Variants in ZYG11B observed in about 807,000 individuals in gnomAD.
ZYG11B encodes the protein protein zyg-11 homolog B.
A neutral mutation model predicts 82.4 loss-of-function variants in ZYG11B; 36 were observed. The observed-to-expected ratio is 0.44, with a 90% CI of 0.33 to 0.58. ZYG11B has a LOEUF of 0.58. Among genes scored for constraint, ZYG11B ranks in the 20% least tolerant of loss-of-function variants. The pLI is 0.02. For synonymous variants in ZYG11B, 303 were observed against 312.8 expected (o/e 0.97, Z 0.33); for missense variants, 552 against 895.6 (o/e 0.62, Z 4.90).
At chr1:52,764,759 TA>T (rs749651176) in intron 2 of ZYG11B, among the ~76,000 whole-genome samples, 2 of 152,028 alleles carry the variant, frequency 1.3e-5, no homozygotes, top group Non-Finnish European at 2.9e-5. Context: ...AGAAGAATAA[TA>T]AAGGAAGGGA....
intron 3 of ZYG11B, among the ~76,000 whole-genome samples, chr1:52,776,687 G>A (rs1644813862): frequency 6.6e-6 from 1 of 152,072 alleles, no homozygotes; most frequent in African/African-American, 2.4e-5. Flanking sequence ...GAAGAATAAA[G>A]TCTGATTTAG....
Position 52,775,817 on chromosome 1 carries a change from C to G in ZYG11B, c.952-4036C>G, listed in dbSNP as rs1053966788. 8.5e-5 allele frequency among the ~76,000 whole-genome samples: 13 copies of G among 152,276 alleles called. 1 individual carries two copies. The South Asian group carries it at 1.9e-3, about 22-fold the overall frequency. On this transcript the variant is annotated intron_variant, in intron 3 of 13. Coordinates refer to ENST00000294353, the MANE Select transcript of ZYG11B (RefSeq NM_024646.3). ...AGTCGGCCAGGCGTGGTGGCTCACGCCTGTAATCCCAGCACTTTGGGAGAA... is the reference window on the plus strand; with the variant it reads ...AGTCGGCCAGGCGTGGTGGCTCACGGCTGTAATCCCAGCACTTTGGGAGAA...
At chr1:52,812,054 C>T (rs906004749) in intron 10 of ZYG11B, among the ~76,000 whole-genome samples, 1 of 151,724 alleles carries the variant, frequency 6.6e-6, no homozygotes, top group Non-Finnish European at 1.5e-5. Context: ...ACATTTAGGT[C>T]TTTCTTATGT....
At chr1:52,760,871 T>C (rs1296105763) in intron 2 of ZYG11B, among the ~76,000 whole-genome samples, 1 of 151,102 alleles carries the variant, frequency 6.6e-6, no homozygotes, top group Non-Finnish European at 1.5e-5. Flanking sequence ...CATTTGATCC[T>C]CCTGGCTTAG....
chr1:52,773,417 A>T (rs61436641), intron 3 of ZYG11B, among the ~76,000 whole-genome samples: 1 of 150,048 alleles, frequency 6.7e-6, no homozygotes, highest in African/African-American at 2.5e-5. Context: ...GAAGTTGCAG[A>T]GAGCCAAGAT....
intron 1 of ZYG11B, among the ~76,000 whole-genome samples, chr1:52,754,774 C>T (rs1192393346): frequency 6.6e-6 from 1 of 152,152 alleles, no homozygotes. Flanking sequence ...AGAAACTTTA[C>T]TGATCTAAAG....
At chr1:52,778,099 C>A (rs1206109224) in intron 3 of ZYG11B, among the ~76,000 whole-genome samples, 1 of 152,208 alleles carries the variant, frequency 6.6e-6, no homozygotes, top group Non-Finnish European at 1.5e-5. Flanking sequence ...CATGTCCTTT[C>A]ATTTCTTTAT....
chr1:52,801,699 C>T, intron 8 of ZYG11B, 120 bp from the exon 9 acceptor site: 2 of 767,356 alleles, frequency 2.6e-6, no homozygotes, highest in Non-Finnish European at 4.0e-6. Context: ...GTTATAAGTA[C>T]CTTTACAGGA....
chr1:52,769,776 A>G (rs1644730439), intron 2 of ZYG11B, among the ~76,000 whole-genome samples: 1 of 152,200 alleles, frequency 6.6e-6, no homozygotes, highest in South Asian at 2.1e-4. Flanking sequence ...TGGGCCAGCT[A>G]AGATGCCGCC....
intron 1 of ZYG11B, among the ~76,000 whole-genome samples, chr1:52,745,731 T>A (rs993003024): frequency 2.6e-5 from 4 of 151,178 alleles, no homozygotes; most frequent in Admixed American, 2.0e-4. Flanking sequence ...GCCCAGCTAA[T>A]TTTTGTATTT....
chr1:52,730,032 T>C (rs1366717336), intron 1 of ZYG11B, among the ~76,000 whole-genome samples: 1 of 152,090 alleles, frequency 6.6e-6, no homozygotes, highest in Non-Finnish European at 1.5e-5. Context: ...GGCCTCAAAC[T>C]CCTGGGCTCC....
At chr1:52,809,716 G>A (rs1645167744) in intron 10 of ZYG11B, among the ~76,000 whole-genome samples, 1 of 151,912 alleles carries the variant, frequency 6.6e-6, no homozygotes, top group South Asian at 2.1e-4. Context: ...ATTCTAATGG[G>A]TCTGAGACAG....
chr1:52,739,138 C>T (rs1644403191), intron 1 of ZYG11B, among the ~76,000 whole-genome samples: 1 of 151,792 alleles, frequency 6.6e-6, no homozygotes, highest in Non-Finnish European at 1.5e-5. Flanking sequence ...AGTTACCCCT[C>T]ACCACGCCTG....
At chr1:52,739,632 G>GTT (rs59228971) in intron 1 of ZYG11B, among the ~76,000 whole-genome samples, 233 of 150,212 alleles carry the variant, frequency 1.6e-3, no homozygotes, top group African/African-American at 5.4e-3. Context: ...ATTTTAATTT[G>GTT]TTTTTTTTTG....
At chr1:52,767,952 A>G (rs1418940170) in intron 2 of ZYG11B, among the ~76,000 whole-genome samples, 1 of 152,146 alleles carries the variant, frequency 6.6e-6, no homozygotes, top group Non-Finnish European at 1.5e-5. Context: ...GGTGGGGGAT[A>G]GTTCTTACTA....
intron 6 of ZYG11B, among the ~76,000 whole-genome samples, chr1:52,791,622 G>A (rs1644960910): frequency 6.6e-6 from 1 of 152,186 alleles, no homozygotes; most frequent in Non-Finnish European, 1.5e-5. Flanking sequence ...ACCCACCTCG[G>A]CCTCCCAAAT....
intron 8 of ZYG11B, among the ~76,000 whole-genome samples, chr1:52,797,319 AATAT>A (rs543365488): frequency 6.8e-5 from 6 of 87,808 alleles, no homozygotes; most frequent in African/African-American, 2.9e-4. Flanking sequence ...ATATACATAT[AATAT>A]ATATATTATA....
intron 1 of ZYG11B, among the ~76,000 whole-genome samples, chr1:52,728,271 TG>T (rs1408107841): frequency 6.6e-6 from 1 of 152,164 alleles, no homozygotes. Flanking sequence ...TGAGAATTGT[TG>T]TTTGGAGACG....
chr1:52,784,504 G>A (rs1273803109), intron 4 of ZYG11B, among the ~76,000 whole-genome samples: 1 of 152,222 alleles, frequency 6.6e-6, no homozygotes, highest in Non-Finnish European at 1.5e-5. Context: ...CCTCAGCAGT[G>A]TTCTCAAGGA....
Sources: gnomAD v4.1 joint callset for allele counts (sites outside exome capture counted in the v4.1 genomes callset) on GRCh38, gnomAD v4.1.1 for gene constraint, MANE v1.5 for transcripts, NCBI Gene and HGNC (gene_info 2026-07-23, HGNC 2026-07-21) for gene names.